DRC8: variants seen among roughly 807,000 people sequenced by gnomAD.
DRC8 encodes dynein regulatory complex subunit 8.
chr1:245,056,374 C>G, the DRC8 span, among the ~76,000 whole-genome samples: 1 of 152,160 alleles, frequency 6.6e-6, no homozygotes, highest in African/African-American at 2.4e-5. Context: ...CAGCTCACTG[C>G]AACCTCCGCC....
chr1:245,082,106 A>G, the DRC8 span: 3 of 1,612,272 alleles, frequency 1.9e-6, no homozygotes, highest in East Asian at 2.2e-5. Flanking sequence ...AACCCACTGG[A>G]TACATTCGAT....
At chr1:245,116,518 A>C in the DRC8 span, among the ~76,000 whole-genome samples, 1 of 152,210 alleles carries the variant, frequency 6.6e-6, no homozygotes, top group African/African-American at 2.4e-5. Flanking sequence ...GCAAGAGCAC[A>C]AAGCCCCAAG....
At chr1:245,097,398 G>A in the DRC8 span, among the ~76,000 whole-genome samples, 3 of 151,964 alleles carry the variant, frequency 2.0e-5, no homozygotes, top group South Asian at 2.1e-4. The surrounding 1 kb of genome is among the most constrained non-coding windows in gnomAD (Gnocchi z 5.0). Context: ...GGCGCCTGTA[G>A]TCCCAGCTAC....
At chr1:245,083,220 G>A in the DRC8 span, among the ~76,000 whole-genome samples, 1 of 152,150 alleles carries the variant, frequency 6.6e-6, no homozygotes, top group Admixed American at 6.5e-5. Context: ...AACTGTGCGT[G>A]TTAGGGATCT....
chr1:244,997,600 A>G, the DRC8 span, among the ~76,000 whole-genome samples: 2 of 149,128 alleles, frequency 1.3e-5, no homozygotes, highest in Non-Finnish European at 3.0e-5. Flanking sequence ...CTGGAGTGCA[A>G]TGGTGTGATC....
chr1:245,016,583 T>C, the DRC8 span, among the ~76,000 whole-genome samples: 4 of 152,258 alleles, frequency 2.6e-5, no homozygotes, highest in South Asian at 4.1e-4. Flanking sequence ...TACGAGCTTA[T>C]ATTTCTTTCC....
At chr1:245,079,322 A>G in the DRC8 span, among the ~76,000 whole-genome samples, 8 of 152,184 alleles carry the variant, frequency 5.3e-5, no homozygotes, top group African/African-American at 1.9e-4. Context: ...AGTCCTGTTT[A>G]TTCGTTGTCC....
chr1:245,092,489 C>T, the DRC8 span, among the ~76,000 whole-genome samples: 1 of 152,140 alleles, frequency 6.6e-6, no homozygotes, highest in Admixed American at 6.5e-5. Flanking sequence ...AACGGAGAGC[C>T]TCATGGGTGC....
the DRC8 span, among the ~76,000 whole-genome samples, chr1:245,111,137 A>G: frequency 1.3e-5 from 2 of 152,194 alleles, no homozygotes; most frequent in Non-Finnish European, 2.9e-5. Context: ...TAACTTTATA[A>G]TTTACTTTTT....
At chr1:245,016,843 A>G in the DRC8 span, among the ~76,000 whole-genome samples, 1 of 152,200 alleles carries the variant, frequency 6.6e-6, no homozygotes, top group Non-Finnish European at 1.5e-5. Context: ...TTGATAAGCA[A>G]ACAGTATCTG....
chr1:245,075,992 G>C, the DRC8 span, among the ~76,000 whole-genome samples: 3 of 152,186 alleles, frequency 2.0e-5, no homozygotes, highest in Non-Finnish European at 4.4e-5. Context: ...TAGACATGGG[G>C]CGAGGCAACA....
chr1:245,002,065 CAT>C, the DRC8 span: 1 of 1,393,224 alleles, frequency 7.2e-7, no homozygotes, highest in Non-Finnish European at 1.0e-6. Context: ...CGTAATCACT[CAT>C]ATGACAATTT....
chr1:245,044,946 A>C, the DRC8 span, among the ~76,000 whole-genome samples: 1 of 151,828 alleles, frequency 6.6e-6, no homozygotes, highest in Admixed American at 6.6e-5. Context: ...AACTTCAATA[A>C]TTTAAATTCT....
the DRC8 span, among the ~76,000 whole-genome samples, chr1:245,029,008 A>T: frequency 6.6e-6 from 1 of 152,150 alleles, no homozygotes. Context: ...GCGTTCGGGG[A>T]TCTGGAATGG....
chr1:245,031,848 A>G, the DRC8 span, among the ~76,000 whole-genome samples: 1 of 152,204 alleles, frequency 6.6e-6, no homozygotes, highest in Non-Finnish European at 1.5e-5. Flanking sequence ...CCTGATAAGC[A>G]TGACATAAAG....
chr1:245,020,794 A>ATT, the DRC8 span, among the ~76,000 whole-genome samples: 6 of 125,942 alleles, frequency 4.8e-5, no homozygotes, highest in South Asian at 5.1e-4. Context: ...TAATTTTCGT[A>ATT]TTTTTTTTTT....
At chr1:245,115,945 G>C in the DRC8 span, among the ~76,000 whole-genome samples, 1 of 150,892 alleles carries the variant, frequency 6.6e-6, no homozygotes, top group African/African-American at 2.4e-5. Flanking sequence ...GGAGTGCAGT[G>C]GCGTGATCTC....
chr1:245,038,464 C>A, the DRC8 span, among the ~76,000 whole-genome samples: 5 of 140,552 alleles, frequency 3.6e-5, no homozygotes, highest in Non-Finnish European at 7.6e-5. Flanking sequence ...AGTGAGACTC[C>A]GTCTCAAAAA....
the DRC8 span, chr1:244,969,839 C>T: frequency 1.6e-4 from 64 of 405,172 alleles, no homozygotes; most frequent in African/African-American, 1.3e-3. Context: ...CAGGCGCGGC[C>T]GTTCTGCAGC....
Sources: allele counts gnomAD v4.1 joint callset (sites outside exome capture counted in the v4.1 genomes callset), GRCh38; gene constraint gnomAD v4.1.1; non-coding constraint Gnocchi (gnomAD v3.1); transcripts MANE v1.5; gene names NCBI Gene and HGNC (gene_info 2026-07-23, HGNC 2026-07-21).